PRKG1: variants seen among roughly 807,000 people sequenced by gnomAD.
PRKG1 encodes protein kinase cGMP-dependent 1, also known as cGMP-dependent protein kinase 1.
PRKG1 carries 35 observed loss-of-function variants against 88.1 expected under a neutral mutation model. That is an observed-to-expected ratio of 0.40 (90% CI 0.30 to 0.53). The LOEUF (loss-of-function observed/expected upper bound fraction) is 0.53. Ranked by LOEUF, PRKG1 falls within the 20% of genes least tolerant of loss-of-function variation. The probability of loss-of-function intolerance (pLI) is 0.59; values close to 1 mark genes in which losing one functional copy is unlikely to be tolerated. For missense variants in PRKG1, 540 were observed against 839.8 expected (o/e 0.64, Z 4.41); for synonymous variants, 303 against 292.5 (o/e 1.04, Z -0.37).
chr10:51,392,325 T>C (rs920184583), intron 2 of PRKG1, among the ~76,000 whole-genome samples: 1 of 151,888 alleles, frequency 6.6e-6, no homozygotes, highest in African/African-American at 2.4e-5. Flanking sequence ...TAGGGAGTGG[T>C]GATGACTCTT....
chr10:52,263,387 C>G (rs970146506), intron 10 of PRKG1, among the ~76,000 whole-genome samples: 1 of 152,012 alleles, frequency 6.6e-6, no homozygotes, highest in African/African-American at 2.4e-5. Flanking sequence ...AGTTCTCTCT[C>G]TTTTTAAAAA....
At chr10:52,006,723 C>T (rs1391164733) in intron 5 of PRKG1, among the ~76,000 whole-genome samples, 1 of 152,158 alleles carries the variant, frequency 6.6e-6, no homozygotes, top group Non-Finnish European at 1.5e-5. Context: ...TCCATGAAAA[C>T]TTTCCCAACC....
At chr10:51,383,221 G>A (rs112506146) in intron 2 of PRKG1, among the ~76,000 whole-genome samples, 7 of 152,062 alleles carry the variant, frequency 4.6e-5, no homozygotes, top group East Asian at 1.9e-4. Flanking sequence ...ACCAAATATC[G>A]CTACTGTCTT....
At chr10:51,751,856 G>T (rs1481208273) in intron 3 of PRKG1, among the ~76,000 whole-genome samples, 1 of 151,232 alleles carries the variant, frequency 6.6e-6, no homozygotes, top group African/African-American at 2.4e-5. Context: ...ACCTAATCTA[G>T]TGCCTGGCCT....
chr10:52,082,761 T>A (rs1393973213), intron 7 of PRKG1, among the ~76,000 whole-genome samples: 1 of 152,148 alleles, frequency 6.6e-6, no homozygotes, highest in Admixed American at 6.6e-5. Context: ...TTTAAGAGGA[T>A]GATCATTTTT....
intron 2 of PRKG1, among the ~76,000 whole-genome samples, chr10:51,396,042 T>G (rs74131627): frequency 1.3e-5 from 2 of 152,218 alleles, no homozygotes; most frequent in Non-Finnish European, 2.9e-5. Context: ...AACACTTTTA[T>G]CTACACTGTA....
chr10:51,083,413 A>G (rs940668658), intron 1 of PRKG1, among the ~76,000 whole-genome samples: 1 of 151,910 alleles, frequency 6.6e-6, no homozygotes, highest in Non-Finnish European at 1.5e-5. Context: ...CTGCTATCCA[A>G]TGCTAAGTTG....
At chr10:52,089,804 CTTTTTTTTTT>C (rs397846439) in intron 7 of PRKG1, among the ~76,000 whole-genome samples, 2 of 67,722 alleles carry the variant, frequency 3.0e-5, no homozygotes, top group South Asian at 6.5e-4. Flanking sequence ...TTCTTTCCTT[CTTTTTTTTTT>C]TTTTTTTTTT....
At chr10:51,023,801 C>T (rs1043795816) in intron 1 of PRKG1, among the ~76,000 whole-genome samples, 1 of 152,038 alleles carries the variant, frequency 6.6e-6, no homozygotes, top group Non-Finnish European at 1.5e-5. Flanking sequence ...TTTAGATAAC[C>T]CTGGTTATGC....
chr10:51,109,166 T>C (rs919844754), intron 1 of PRKG1, among the ~76,000 whole-genome samples: 5 of 152,170 alleles, frequency 3.3e-5, no homozygotes, highest in Non-Finnish European at 5.9e-5. Context: ...AAAATTGATC[T>C]ATAGTTTTAG....
At chr10:51,951,531 G>A (rs1390833018) in intron 5 of PRKG1, among the ~76,000 whole-genome samples, 2 of 152,050 alleles carry the variant, frequency 1.3e-5, no homozygotes, top group African/African-American at 4.8e-5. Flanking sequence ...TATAACACAT[G>A]TATTTATAAT....
intron 1 of PRKG1, among the ~76,000 whole-genome samples, chr10:51,050,728 G>A (rs949763345): frequency 6.6e-6 from 1 of 151,930 alleles, no homozygotes; most frequent in Non-Finnish European, 1.5e-5. Context: ...TTTTTTTGAG[G>A]AACTTCTAAA....
At chr10:52,070,848 A>G (rs1846478448) in intron 7 of PRKG1, among the ~76,000 whole-genome samples, 1 of 152,212 alleles carries the variant, frequency 6.6e-6, no homozygotes, top group Non-Finnish European at 1.5e-5. Flanking sequence ...TTGGTGCATC[A>G]AAGTGCTTAG....
chr10:51,021,716 T>C (rs530463930), intron 1 of PRKG1, among the ~76,000 whole-genome samples: 1 of 152,192 alleles, frequency 6.6e-6, no homozygotes, highest in Non-Finnish European at 1.5e-5. Flanking sequence ...GTCTCACTCT[T>C]GTCACCCAGG....
chr10:51,655,517 C>G (rs987450117), intron 3 of PRKG1, among the ~76,000 whole-genome samples: 4 of 151,932 alleles, frequency 2.6e-5, no homozygotes, highest in African/African-American at 9.7e-5. Context: ...CAAATGAGAA[C>G]AGCAGGCCAT....
chr10:52,271,363 G>A lies in PRKG1; in HGVS notation c.1187G>A (p.Ser396Asn), dbSNP rs770212084. ...FGRVELVQLK[S>N]EESKTFAMKI... ...TCTTTCTTTAAGGTCCAGTTGAAAA[G>A]TGAAGAATCCAAAACGTTTGCAATG... The change falls in exon 11 of 18, where the codon AGT becomes AAT. Residue 396 changes from serine to asparagine, a missense_variant. Transcript: ENST00000373980. The A allele has an allele frequency of 9.9e-6, 16 of 1,612,494 alleles. No homozygotes were observed. The Admixed American group carries it at 1.0e-4, about 10-fold the overall frequency.
At chr10:51,744,310 G>A (rs72797395) in intron 3 of PRKG1, among the ~76,000 whole-genome samples, 5,995 of 152,270 alleles carry the variant, frequency 0.039, 173 homozygotes, top group Non-Finnish European at 0.064. Context: ...CAAAGCAGAA[G>A]AGCTGGGACT....
Position 51,888,110 on chromosome 10 carries a change from G to A in PRKG1, c.699-19397G>A, listed in dbSNP as rs532250057. ...GAGGTGACTATATACTTAGTACCTT[G>A]GTTGTGGTGATGGTATTATGGGTAT... On this transcript the variant is annotated intron_variant, in intron 4 of 17. Transcript: ENST00000373980. 1.2e-4 allele frequency among the ~76,000 whole-genome samples: 19 copies of A among 152,240 alleles called. No individual in the cohort carries two copies. The East Asian group carries it at 3.7e-3, about 29-fold the overall frequency.
At position 51,132,631 on chromosome 10, in the gene PRKG1, A is replaced by G. The variant is rs540041143; in HGVS notation, c.312-20533A>G. ...TAAAAAGACAGAGCCTATGCAATCT[A>G]CAAGTGTTTCTCCAGGAATGATTTA... On this transcript the variant is annotated intron_variant, in intron 1 of 17. Transcript: ENST00000373980. Among the ~76,000 whole-genome samples the G allele has an allele frequency of 7.3e-5, 11 of 150,024 alleles. No homozygotes were observed. In the East Asian group the frequency reaches 1.2e-3, roughly 16 times the overall value.
Sources: allele counts gnomAD v4.1 joint callset (sites outside exome capture counted in the v4.1 genomes callset), GRCh38; gene constraint gnomAD v4.1.1; transcripts MANE v1.5; gene names NCBI Gene and HGNC (gene_info 2026-07-23, HGNC 2026-07-21).